PPM1A: variants seen among roughly 807,000 people sequenced by gnomAD.
PPM1A encodes protein phosphatase 1A.
In PPM1A, 7 loss-of-function variants were observed where a neutral mutation model predicts 35.0. The observed-to-expected ratio is 0.20, with a 90% confidence interval of 0.11 to 0.38. PPM1A has a LOEUF of 0.38. Among genes scored for constraint, PPM1A ranks in the 10% least tolerant of loss-of-function variants. PPM1A has a pLI of 1.00. For missense variants in PPM1A, 239 were observed against 467.8 expected (o/e 0.51, Z 4.51); for synonymous variants, 153 against 167.3 (o/e 0.91, Z 0.66).
rs1885337998 is a variant in PPM1A, at chr14:60,272,935, A to G, written c.-20-9749A>G. Among the ~76,000 whole-genome samples, 3 of 152,102 alleles carry G rather than the reference A, an allele frequency of 2.0e-5. No homozygotes were observed. In the South Asian group the frequency reaches 6.2e-4, roughly 32 times the overall value. ...GTTTTTGTCTAGAACCTTGCATTATAGTATTTTTTTTTCTTTTCCTTGCAT... is the reference window on the plus strand; with the variant it reads ...GTTTTTGTCTAGAACCTTGCATTATGGTATTTTTTTTTCTTTTCCTTGCAT... On this transcript the variant is annotated intron_variant, in intron 1 of 5. Transcript: ENST00000395076.
intron 1 of PPM1A, among the ~76,000 whole-genome samples, chr14:60,255,013 C>CT (rs973489541): frequency 1.3e-5 from 2 of 152,032 alleles, no homozygotes; most frequent in Non-Finnish European, 2.9e-5. Flanking sequence ...GAATTTGTGT[C>CT]TTTCCTTCTC....
chr14:60,246,540 C>A (rs1300377329), upstream of PPM1A, among the ~76,000 whole-genome samples: 3 of 152,166 alleles, frequency 2.0e-5, no homozygotes, highest in African/African-American at 4.8e-5. Flanking sequence ...TATATTCCCA[C>A]TAAAATCTTA....
chr14:60,261,540 C>T lies in PPM1A; in HGVS notation c.-21+11863C>T, dbSNP rs556854896. On this transcript the variant is annotated intron_variant, in intron 1 of 5. Coordinates refer to ENST00000395076, the MANE Select transcript of PPM1A (RefSeq NM_021003.5). ...ATCATGTGTTCTCTTTGGTTTGTTC[C>T]AACATCTTTGGATTGGAACCAGTAC... Among the ~76,000 whole-genome samples, 77 of 152,028 alleles carry T rather than the reference C, an allele frequency of 5.1e-4. 1 individual carries two copies. Among genetic ancestry groups the T allele is most frequent in the South Asian group, 1.7e-3 (8 of 4,812 alleles).
intron 1 of PPM1A, among the ~76,000 whole-genome samples, chr14:60,263,074 C>T (rs920947789): frequency 9.2e-5 from 14 of 152,082 alleles, no homozygotes; most frequent in African/African-American, 2.7e-4. Flanking sequence ...AAAAATTAGC[C>T]GAACGTGGTG....
intron 1 of PPM1A, among the ~76,000 whole-genome samples, chr14:60,260,707 T>C (rs1178651469): frequency 3.9e-5 from 6 of 152,140 alleles, no homozygotes; most frequent in Non-Finnish European, 7.4e-5. Flanking sequence ...TCCCAGCCCT[T>C]ATCAACCATT....
At chr14:60,247,627 C>CAAAAAAAAA (rs58749853), upstream of PPM1A, among the ~76,000 whole-genome samples, 9 of 50,172 alleles carry the variant, frequency 1.8e-4, no homozygotes, top group African/African-American at 6.2e-4. Context: ...GACTCTGTCT[C>CAAAAAAAAA]AAAAAAAAAA....
intron 1 of PPM1A, chr14:60,267,166 C>A (rs1032396158): frequency 2.6e-5 from 4 of 151,992 alleles, no homozygotes; most frequent in African/African-American, 9.7e-5. Context: ...TTTTTGTTAG[C>A]CTTGGCTTAT....
At chr14:60,249,174 G>C (rs1001069481), upstream of PPM1A, 8 of 945,372 alleles carry the variant, frequency 8.5e-6, no homozygotes, top group South Asian at 1.4e-4. The surrounding 1 kb of genome is among the most constrained non-coding windows in gnomAD (Gnocchi z 4.5). Context: ...GCGGAGGGGT[G>C]GGGGAGGGGC....
In PPM1A at chr14:60,253,075, A is replaced by G. The variant is rs967724993; in HGVS notation, c.-21+3398A>G. 4.6e-5 allele frequency among the ~76,000 whole-genome samples: 7 copies of G among 152,182 alleles called. No individual in the cohort carries two copies. The East Asian group carries it at 7.7e-4, about 17-fold the overall frequency. ...GTGTATCAGTAAACTAGACTCTTATACAGTTTTTATAATATTAGAGATGTT... is the reference window on the plus strand; with the variant it reads ...GTGTATCAGTAAACTAGACTCTTATGCAGTTTTTATAATATTAGAGATGTT... On this transcript the variant is annotated intron_variant, in intron 1 of 5. Coordinates refer to ENST00000395076, the MANE Select transcript of PPM1A (RefSeq NM_021003.5).
Position 60,249,288 on chromosome 14 carries a change from T to C in PPM1A, c.-410T>C. 2 of 973,094 alleles carry C rather than the reference T, an allele frequency of 2.1e-6. No individual in the cohort carries two copies. The highest frequency in any genetic ancestry group is 2.4e-6 in the Non-Finnish European group (2 of 826,466). The allele number at this position is 973,094 out of a possible 1,614,324, so 60.3% of individuals were successfully genotyped here. On this transcript the variant is annotated 5_prime_UTR_variant, in exon 1 of 6. Coordinates refer to ENST00000395076, the MANE Select transcript of PPM1A (RefSeq NM_021003.5). The surrounding 1 kb of genome is among the most constrained non-coding windows in gnomAD (Gnocchi z 4.5). Reference sequence around the variant, plus strand: ...GCGCGCGGGAGCTAGAGAGCAGTGGTCTCGGCGCTCGTCCGGCCCGCAGCT... The same window carrying C: ...GCGCGCGGGAGCTAGAGAGCAGTGGCCTCGGCGCTCGTCCGGCCCGCAGCT...
At chr14:60,278,115 A>C (rs1189296660) in intron 1 of PPM1A, among the ~76,000 whole-genome samples, 1 of 152,202 alleles carries the variant, frequency 6.6e-6, no homozygotes, top group Non-Finnish European at 1.5e-5. Flanking sequence ...GGCTAGTAGT[A>C]ATCTCTCCAT....
In PPM1A at chr14:60,284,752, A is replaced by G. The variant is rs534455859; in HGVS notation, c.835-872A>G. Among the ~76,000 whole-genome samples, 5 of 149,256 alleles carry G rather than the reference A, an allele frequency of 3.3e-5. No individual in the cohort carries two copies. In the South Asian group the frequency reaches 1.1e-3, roughly 31 times the overall value. On this transcript the variant is annotated intron_variant, in intron 2 of 5. Transcript: ENST00000395076. ...ATATATATATAATGCCTAGTTTAGC[A>G]TATAATACATGCTACACCCTTTCCT...
intron 2 of PPM1A, 142 bp from the exon 3 acceptor site, chr14:60,285,482 G>GTGCA (rs1886914451): frequency 8.3e-6 from 7 of 841,392 alleles, no homozygotes; most frequent in Admixed American, 2.7e-5. Flanking sequence ...GCACGCATGC[G>GTGCA]TGCACATATG....
chr14:60,294,381 T>G lies in PPM1A; in HGVS notation c.*1899T>G, dbSNP rs967348460. 7.2e-5 allele frequency: 11 copies of G among 151,886 alleles called. No individual in the cohort carries two copies. Among genetic ancestry groups the G allele is most frequent in the African/African-American group, 2.7e-4 (11 of 41,412 alleles). The allele number at this position is 151,886 out of a possible 1,614,324, so 9.4% of individuals were successfully genotyped here. A position where few individuals can be genotyped will look rare whatever the true frequency, so the allele number is the denominator to read the frequency against. On this transcript the variant is annotated 3_prime_UTR_variant, in exon 6 of 6. Coordinates refer to ENST00000395076, the MANE Select transcript of PPM1A (RefSeq NM_021003.5). ...TATCAGTTGAAATTACAGAACCAAT[T>G]CCATACTTACAATAAATACTTAATG...
rs1485683066 is a variant in PPM1A, at chr14:60,295,330, T to C, written c.*2848T>C. On this transcript the variant is annotated 3_prime_UTR_variant, in exon 6 of 6. Coordinates refer to ENST00000395076, the MANE Select transcript of PPM1A (RefSeq NM_021003.5). ...TACTTTTATAGACAATAGAAGCAGTTCTCAATATTAGCATATACTTTAAAA... is the reference window on the plus strand; with the variant it reads ...TACTTTTATAGACAATAGAAGCAGTCCTCAATATTAGCATATACTTTAAAA... 6.6e-6 allele frequency: 1 copy of C among 151,690 alleles called. No homozygotes were observed. The highest frequency in any genetic ancestry group is 2.4e-5 in the African/African-American group (1 of 41,378). The allele number at this position is 151,690 out of a possible 1,614,324, so 9.4% of individuals were successfully genotyped here.
chr14:60,248,643 G>A (rs1339842804), upstream of PPM1A: 2 of 152,400 alleles, frequency 1.3e-5, no homozygotes, highest in Non-Finnish European at 2.9e-5. Context: ...GACCCACCAT[G>A]GGTTCGAAGG....
rs1000425953 is a variant in PPM1A at position 60,298,941 on chromosome 14, A to G, written c.*6459A>G. On this transcript the variant is annotated 3_prime_UTR_variant, in exon 6 of 6. Coordinates refer to ENST00000395076, the MANE Select transcript of PPM1A (RefSeq NM_021003.5). ...AAAGAAAATATGTGAATTCAGTTCT[A>G]ACTTTAAGAATGTACTGTTTGTTTT... 3 of 151,832 alleles carry G rather than the reference A, an allele frequency of 2.0e-5. No individual in the cohort carries two copies. Among genetic ancestry groups the G allele is most frequent in the African/African-American group, 7.2e-5 (3 of 41,424 alleles). 9.4% of individuals were successfully genotyped at this position (151,832 alleles called of 1,614,324 possible). A position where few individuals can be genotyped will look rare whatever the true frequency, so the allele number is the denominator to read the frequency against.
chr14:60,254,026 A>G (rs1489114001), intron 1 of PPM1A, among the ~76,000 whole-genome samples: 1 of 152,188 alleles, frequency 6.6e-6, no homozygotes, highest in Non-Finnish European at 1.5e-5. Context: ...ATTTAATGAA[A>G]TAATTATATA....
In PPM1A at chr14:60,298,008, C is replaced by T. The variant is rs936923841; in HGVS notation, c.*5526C>T. 3 of 151,364 alleles carry T rather than the reference C, an allele frequency of 2.0e-5. No homozygotes were observed. Among genetic ancestry groups the T allele is most frequent in the African/African-American group, 7.3e-5 (3 of 41,288 alleles). 9.4% of individuals were successfully genotyped at this position (151,364 alleles called of 1,614,324 possible). A position where few individuals can be genotyped will look rare whatever the true frequency, so the allele number is the denominator to read the frequency against. On this transcript the variant is annotated 3_prime_UTR_variant, in exon 6 of 6. Coordinates refer to ENST00000395076, the MANE Select transcript of PPM1A (RefSeq NM_021003.5). The stretch of plus-strand genomic sequence containing the variant: ...TTGAGTCTATTTTAAGGAATTGTTT[C>T]ACTCTAGAGGTAGATAGGGGACCTG...
Sources: allele counts gnomAD v4.1 joint callset (sites outside exome capture counted in the v4.1 genomes callset), GRCh38; gene constraint gnomAD v4.1.1; non-coding constraint Gnocchi (gnomAD v3.1); transcripts MANE v1.5; gene names NCBI Gene and HGNC (gene_info 2026-07-23, HGNC 2026-07-21).